Variants in B3GALT1 observed in about 807,000 individuals in gnomAD.
The protein encoded by B3GALT1 is UDP-Gal:betaGlcNAc beta 1,3-galactosyltransferase, polypeptide 1.
B3GALT1 carries 10 observed loss-of-function variants against 23.2 expected under a neutral mutation model. That is an observed-to-expected ratio of 0.43 (90% CI 0.27 to 0.73). The LOEUF is 0.73. B3GALT1 is among the 30% of genes least tolerant of loss of function. The probability of loss-of-function intolerance (pLI) is 0.21; values close to 1 mark genes in which losing one functional copy is unlikely to be tolerated. For synonymous variants in B3GALT1, 156 were observed against 141.5 expected, an observed-to-expected ratio of 1.10 and a Z score of -0.73; for missense variants, 299 against 405.4, an observed-to-expected ratio of 0.74 and a Z score of 2.25.
At chr2:167,734,360 G>C (rs1259441428) in intron 3 of B3GALT1, among the ~76,000 whole-genome samples, 1 of 152,076 alleles carries the variant, frequency 6.6e-6, no homozygotes, top group Non-Finnish European at 1.5e-5. Flanking sequence ...AAGTTTGTTT[G>C]TTTGTGGCTG....
At chr2:167,754,987 T>C (rs149850995) in intron 3 of B3GALT1, among the ~76,000 whole-genome samples, 16 of 152,246 alleles carry the variant, frequency 1.1e-4, no homozygotes, top group African/African-American at 3.9e-4. Context: ...TCTCTTTTGA[T>C]ACGTGTTTTC....
At chr2:167,537,927 T>C (rs945734698) in intron 2 of B3GALT1, among the ~76,000 whole-genome samples, 2 of 151,112 alleles carry the variant, frequency 1.3e-5, no homozygotes, top group Non-Finnish European at 2.9e-5. Context: ...CTGGCTCAGG[T>C]CATTCTCTGC....
chr2:167,520,362 T>C (rs1700170189), intron 2 of B3GALT1, among the ~76,000 whole-genome samples: 1 of 152,142 alleles, frequency 6.6e-6, no homozygotes, highest in Non-Finnish European at 1.5e-5. Context: ...AAATCAGGAC[T>C]GTAATATGGA....
At chr2:167,438,761 A>T (rs549802477) in intron 1 of B3GALT1, among the ~76,000 whole-genome samples, 1 of 152,206 alleles carries the variant, frequency 6.6e-6, no homozygotes, top group Non-Finnish European at 1.5e-5. Context: ...TCCAGCTTAC[A>T]ACTCTTTCAG....
chr2:167,449,986 CAGTT>C (rs1238339958), intron 1 of B3GALT1, among the ~76,000 whole-genome samples: 2 of 152,058 alleles, frequency 1.3e-5, no homozygotes, highest in African/African-American at 2.4e-5. Context: ...CTTTTGGATT[CAGTT>C]AGGTAGTATT....
At chr2:167,448,784 G>A (rs541139910) in intron 1 of B3GALT1, among the ~76,000 whole-genome samples, 1 of 152,276 alleles carries the variant, frequency 6.6e-6, no homozygotes, top group Middle Eastern at 3.4e-3. Flanking sequence ...CATGTAAGAT[G>A]AGATTAGGAT....
intron 3 of B3GALT1, among the ~76,000 whole-genome samples, chr2:167,724,782 T>G (rs1386730556): frequency 6.6e-6 from 1 of 152,220 alleles, no homozygotes; most frequent in Admixed American, 6.5e-5. Context: ...GCAATCAATG[T>G]GCCATGATCT....
intron 3 of B3GALT1, among the ~76,000 whole-genome samples, chr2:167,729,667 A>C (rs1687377073): frequency 6.6e-6 from 1 of 152,026 alleles, no homozygotes; most frequent in Non-Finnish European, 1.5e-5. Flanking sequence ...TCCCTACCAA[A>C]TTTTAATGAT....
intron 3 of B3GALT1, among the ~76,000 whole-genome samples, chr2:167,685,905 T>G (rs755155978): frequency 2.0e-5 from 3 of 152,228 alleles, no homozygotes; most frequent in Non-Finnish European, 4.4e-5. Flanking sequence ...TTAAACCTGT[T>G]AAATATTTTA....
chr2:167,422,932 A>G (rs1698569420), intron 1 of B3GALT1, among the ~76,000 whole-genome samples: 1 of 152,186 alleles, frequency 6.6e-6, no homozygotes, highest in African/African-American at 2.4e-5. Context: ...ACTGAAATAC[A>G]GAGCTGAGGG....
At chr2:167,607,257 A>G (rs1250454217) in intron 2 of B3GALT1, among the ~76,000 whole-genome samples, 2 of 152,226 alleles carry the variant, frequency 1.3e-5, no homozygotes, top group Non-Finnish European at 2.9e-5. Flanking sequence ...CTACATTCTT[A>G]GAAATGTAAT....
intron 4 of B3GALT1, among the ~76,000 whole-genome samples, chr2:167,833,368 C>T (rs1372600312): frequency 6.6e-6 from 1 of 152,126 alleles, no homozygotes; most frequent in Non-Finnish European, 1.5e-5. Context: ...ATGAAACTCA[C>T]AGGCTAGGAA....
intron 3 of B3GALT1, among the ~76,000 whole-genome samples, chr2:167,775,302 A>G (rs371797755): frequency 2.6e-5 from 4 of 152,120 alleles, no homozygotes; most frequent in East Asian, 1.9e-4. Context: ...TGGGCGTGGT[A>G]TCTCACGCCT....
At chr2:167,525,682 G>A (rs1176710678) in intron 2 of B3GALT1, among the ~76,000 whole-genome samples, 1 of 151,682 alleles carries the variant, frequency 6.6e-6, no homozygotes, top group East Asian at 1.9e-4. Context: ...CACCCAGGCT[G>A]GAGTTCAGTG....
intron 1 of B3GALT1, among the ~76,000 whole-genome samples, chr2:167,353,767 G>A (rs2105257585): frequency 6.6e-6 from 1 of 152,222 alleles, no homozygotes; most frequent in Non-Finnish European, 1.5e-5. Flanking sequence ...ACCTGGCTGA[G>A]TCACTTGGAA....
chr2:167,356,024 A>C (rs1697396467), intron 1 of B3GALT1, among the ~76,000 whole-genome samples: 1 of 152,202 alleles, frequency 6.6e-6, no homozygotes, highest in African/African-American at 2.4e-5. Context: ...ACAGCAACTG[A>C]GCATATCAAG....
rs542867494 is a variant in B3GALT1, at chr2:167,365,918, A to G, written c.-511+72584A>G. On this transcript the variant is annotated intron_variant, in intron 1 of 4. Transcript: ENST00000392690. ...CCTTAATTTATGTGGAAGGAAACTG[A>G]ATCTCTGAATGATTAAATGACTGGC... Among the ~76,000 whole-genome samples the G allele has an allele frequency of 1.6e-4, 24 of 152,322 alleles. 1 individual carries two copies. In the South Asian group the frequency reaches 4.6e-3, roughly 29 times the overall value.
At chr2:167,327,566 T>G (rs1020710455) in intron 1 of B3GALT1, among the ~76,000 whole-genome samples, 5 of 152,140 alleles carry the variant, frequency 3.3e-5, no homozygotes, top group Admixed American at 2.6e-4. Context: ...TTTTGTATGT[T>G]GATTTTCTGT....
At chr2:167,425,074 A>G (rs1311158741) in intron 1 of B3GALT1, among the ~76,000 whole-genome samples, 1 of 152,180 alleles carries the variant, frequency 6.6e-6, no homozygotes, top group Non-Finnish European at 1.5e-5. Context: ...AATCTACCCC[A>G]TTACCTCATA....
Sources: gnomAD v4.1 joint callset for allele counts (sites outside exome capture counted in the v4.1 genomes callset) on GRCh38, gnomAD v4.1.1 for gene constraint, MANE v1.5 for transcripts, NCBI Gene and HGNC (gene_info 2026-07-23, HGNC 2026-07-21) for gene names.